The following SRBD1 variants were observed in gnomAD, a reference collection of about 807,000 sequenced individuals.
SRBD1 encodes S1 RNA-binding domain-containing protein 1.
SRBD1 carries 88 observed loss-of-function variants against 115.3 expected under a neutral mutation model. The observed-to-expected ratio is 0.76, with a 90% confidence interval of 0.64 to 0.91. The LOEUF is 0.91. SRBD1 is among the 40% of genes least tolerant of loss of function. The pLI is 0.00. For missense variants in SRBD1, 1,385 were observed against 1,177.4 expected, an observed-to-expected ratio of 1.18 and a Z score of -2.58; for synonymous variants, 509 against 407.7, an observed-to-expected ratio of 1.25 and a Z score of -2.99.
At chr2:45,554,791 C>T (rs920264069) in intron 10 of SRBD1, among the ~76,000 whole-genome samples, 1 of 152,190 alleles carries the variant, frequency 6.6e-6, no homozygotes, top group Non-Finnish European at 1.5e-5. Context: ...CCTGCTTCCT[C>T]ATAGTTGTTT....
intron 10 of SRBD1, among the ~76,000 whole-genome samples, chr2:45,556,439 G>A (rs1179986843): frequency 7.2e-6 from 1 of 138,646 alleles, no homozygotes; most frequent in Non-Finnish European, 1.5e-5. Context: ...TCTGCTCTAT[G>A]CTCTATTACT....
chr2:45,605,546 C>T, intron 1 of SRBD1, 105 bp from the exon 2 acceptor site: 1 of 1,064,744 alleles, frequency 9.4e-7, no homozygotes, highest in South Asian at 1.4e-5. Context: ...AGGAAAAAAA[C>T]AAAAACAATG....
At chr2:45,519,121 C>T (rs1015607458) in intron 14 of SRBD1, among the ~76,000 whole-genome samples, 1 of 152,022 alleles carries the variant, frequency 6.6e-6, no homozygotes, top group Non-Finnish European at 1.5e-5. Flanking sequence ...TTAATCAAAT[C>T]ATATTTATAG....
intron 14 of SRBD1, among the ~76,000 whole-genome samples, chr2:45,499,159 G>T (rs1021414068): frequency 4.6e-5 from 7 of 151,974 alleles, no homozygotes; most frequent in Non-Finnish European, 7.4e-5. Flanking sequence ...TCCAGCATTT[G>T]TTATTTTTTA....
chr2:45,398,308 G>A (rs1259148677), intron 19 of SRBD1, among the ~76,000 whole-genome samples: 1 of 151,862 alleles, frequency 6.6e-6, no homozygotes, highest in Non-Finnish European at 1.5e-5. Context: ...GGGTGGGGGC[G>A]TTTTAAATGT....
intron 16 of SRBD1, among the ~76,000 whole-genome samples, chr2:45,425,574 A>G (rs1668127045): frequency 6.6e-6 from 1 of 152,104 alleles, no homozygotes; most frequent in African/African-American, 2.4e-5. Flanking sequence ...CAGCGAGATC[A>G]ATGCAGAAGG....
chr2:45,428,462 A>G (rs1314577175), intron 16 of SRBD1, among the ~76,000 whole-genome samples: 2 of 152,082 alleles, frequency 1.3e-5, no homozygotes, highest in Non-Finnish European at 2.9e-5. Flanking sequence ...GAGGTAGGAG[A>G]ATGGCGTGAA....
chr2:45,560,096 G>T (rs1467135020), intron 10 of SRBD1, among the ~76,000 whole-genome samples: 1 of 150,390 alleles, frequency 6.6e-6, no homozygotes, highest in East Asian at 2.0e-4. Flanking sequence ...AAAAAGAAAA[G>T]AAAAAAAAGA....
chr2:45,560,945 TAAA>T (rs35692321), intron 10 of SRBD1, among the ~76,000 whole-genome samples: 1 of 118,966 alleles, frequency 8.4e-6, no homozygotes. Flanking sequence ...ATCTCTTAAA[TAAA>T]AAAAAAAAAA....
At chr2:45,426,921 A>G (rs923239703) in intron 16 of SRBD1, among the ~76,000 whole-genome samples, 3 of 152,272 alleles carry the variant, frequency 2.0e-5, no homozygotes, top group Admixed American at 2.0e-4. Context: ...TGAAAATTCC[A>G]AAAACCAGAA....
intron 10 of SRBD1, among the ~76,000 whole-genome samples, chr2:45,560,282 C>G (rs1672620431): frequency 6.6e-6 from 1 of 152,004 alleles, no homozygotes; most frequent in African/African-American, 2.4e-5. Context: ...TTTACTTAGT[C>G]TAAAGATAAT....
chr2:45,495,667 G>T lies in SRBD1; in HGVS notation c.1875-7336C>A, dbSNP rs919022392. Among the ~76,000 whole-genome samples, 12 of 152,264 alleles carry T rather than the reference G, an allele frequency of 7.9e-5. No homozygotes were observed. The East Asian group carries it at 2.1e-3, about 27-fold the overall frequency. ...AAACACAAGACCTGATGCGTAAGTG[G>T]CATTCGACTAGGCAAGAGGCAAGGG... On this transcript the variant is annotated intron_variant, in intron 14 of 20. Transcript: ENST00000263736.
intron 14 of SRBD1, among the ~76,000 whole-genome samples, chr2:45,542,973 A>C (rs1164638274): frequency 6.6e-6 from 1 of 152,252 alleles, no homozygotes; most frequent in Non-Finnish European, 1.5e-5. Context: ...TTCATTATGT[A>C]TAAATCTAAA....
intron 16 of SRBD1, among the ~76,000 whole-genome samples, chr2:45,426,781 A>C (rs557590698): frequency 6.6e-6 from 1 of 152,318 alleles, no homozygotes; most frequent in South Asian, 2.1e-4. Context: ...GAAAACTAAC[A>C]AACAGAAAGG....
intron 19 of SRBD1, 101 bp from the exon 20 acceptor site, chr2:45,393,230 G>C: frequency 8.4e-7 from 1 of 1,190,606 alleles, no homozygotes; most frequent in Non-Finnish European, 1.1e-6. Context: ...TAGACCCATA[G>C]GTCAATCAAT....
chr2:45,465,111 G>T (rs1669444676), intron 16 of SRBD1, among the ~76,000 whole-genome samples: 1 of 150,680 alleles, frequency 6.6e-6, no homozygotes, highest in Non-Finnish European at 1.5e-5. Context: ...AAATCCATAG[G>T]TACTCAAGGC....
At position 45,547,616 on chromosome 2, in the gene SRBD1, T is replaced by TA. The variant is rs1259160442; in HGVS notation, c.1676-5dup. On this transcript the variant is annotated splice_region_variant and splice_polypyrimidine_tract_variant and intron_variant, in intron 12 of 20. Coordinates refer to ENST00000263736, the MANE Select transcript of SRBD1 (RefSeq NM_018079.5). ...ACATCAGTATGAAGTATCTGACCTTTAAAAAATGAAAAGAATAAGCCATTT... is the reference window on the plus strand; with the variant it reads ...ACATCAGTATGAAGTATCTGACCTTTAAAAAAATGAAAAGAATAAGCCATTT... The TA allele has an allele frequency of 1.2e-6, 2 of 1,602,906 alleles. No individual in the cohort carries two copies. The highest frequency in any genetic ancestry group is 1.7e-6 in the Non-Finnish European group (2 of 1,176,166).
intron 20 of SRBD1, 104 bp downstream of exon 20, chr2:45,392,841 A>G: frequency 9.7e-7 from 1 of 1,030,500 alleles, no homozygotes; most frequent in Non-Finnish European, 1.4e-6. Context: ...AAAATGGGAG[A>G]ATAATATCCA....
chr2:45,568,980 T>C (rs6731723), intron 9 of SRBD1, among the ~76,000 whole-genome samples: 24,447 of 152,174 alleles, frequency 0.16, 2,980 homozygotes, highest in African/African-American at 0.34. Flanking sequence ...TACACAAAAG[T>C]AAAATTGACA....
Sources: gnomAD v4.1 joint callset for allele counts (sites outside exome capture counted in the v4.1 genomes callset) on GRCh38, gnomAD v4.1.1 for gene constraint, MANE v1.5 for transcripts, NCBI Gene and HGNC (gene_info 2026-07-23, HGNC 2026-07-21) for gene names.